The following CENPA variants were observed in gnomAD, a reference collection of about 807,000 sequenced individuals.
CENPA encodes the protein histone H3-like centromeric protein A.
CENPA carries 7 observed loss-of-function variants against 17.2 expected under a neutral mutation model. The observed-to-expected ratio is 0.41, with a 90% CI of 0.23 to 0.76. The LOEUF (loss-of-function observed/expected upper bound fraction) is 0.76. Among genes scored for constraint, CENPA ranks in the 30% least tolerant of loss-of-function variants. The pLI is 0.34. For synonymous variants in CENPA, 82 were observed against 77.4 expected (o/e 1.06, Z -0.31); for missense variants, 149 against 193.1 (o/e 0.77, Z 1.35).
rs1212051573 is a variant in CENPA at position 26,792,174 on chromosome 2, A to G, written c.144A>G (p.Leu48=). Residue 48 remains leucine, a synonymous_variant, in exon 2 of 5, where the codon CTA becomes CTG. Coordinates refer to ENST00000335756, the MANE Select transcript of CENPA (RefSeq NM_001809.4). ...ACAGTCGGCGGAGACAAGGTTGGCTAAAGGAGATCCGAAAGCTTCAGAAGA... is the reference window on the plus strand; with the variant it reads ...ACAGTCGGCGGAGACAAGGTTGGCTGAAGGAGATCCGAAAGCTTCAGAAGA... ...HQHSRRRQGW[L]KEIRKLQKST... is the part of the protein sequence containing the mutation. The G allele has an allele frequency of 5.6e-6, 9 of 1,614,052 alleles. No homozygotes were observed. The highest frequency in any genetic ancestry group is 7.6e-6 in the Non-Finnish European group (9 of 1,179,988).
At chr2:26,788,779 G>A (rs1461594949) in intron 1 of CENPA, among the ~76,000 whole-genome samples, 2 of 152,308 alleles carry the variant, frequency 1.3e-5, no homozygotes, top group African/African-American at 2.4e-5. Context: ...GGGTTCAAGC[G>A]ATTCTCCTGC....
chr2:26,787,456 C>T (rs1664531065), intron 1 of CENPA, among the ~76,000 whole-genome samples: 1 of 151,830 alleles, frequency 6.6e-6, no homozygotes, highest in Non-Finnish European at 1.5e-5. Context: ...ACCTCGTGAT[C>T]CGCCCACCTC....
chr2:26,793,131 C>T lies in CENPA; in HGVS notation c.289-14C>T. ...CCTTCATCTGTGTCCGTCTTTTTCT[C>T]TTTCTGTCTCCAGGCAGCAGAAGCA... On this transcript the variant is annotated splice_polypyrimidine_tract_variant and intron_variant, in intron 3 of 4. Coordinates refer to ENST00000335756, the MANE Select transcript of CENPA (RefSeq NM_001809.4). 6.2e-7 allele frequency: 1 copy of T among 1,613,504 alleles called. No homozygotes were observed. Among genetic ancestry groups the T allele is most frequent in the Non-Finnish European group, 8.5e-7 (1 of 1,179,960 alleles).
At chr2:26,789,449 A>C (rs1664577015) in intron 1 of CENPA, among the ~76,000 whole-genome samples, 2 of 151,678 alleles carry the variant, frequency 1.3e-5, no homozygotes, top group African/African-American at 4.8e-5. Flanking sequence ...CCCCCTCCCT[A>C]GGTGGTCTCA....
rs564257882 is a variant in CENPA at position 26,792,189 on chromosome 2, G to C, written c.159G>C (p.Lys53Asn). Residue 53 changes from lysine (K) to asparagine (N), a missense_variant, in exon 2 of 5, where the codon AAG becomes AAC. Lys to Asn is a moderately conservative substitution (Grantham distance 94). Around this residue, in one of 2 missense-constraint regions of CENPA, gnomAD observed 95 missense variants for 87.5 expected, o/e 1.09. Coordinates refer to ENST00000335756, the MANE Select transcript of CENPA (RefSeq NM_001809.4). The stretch of plus-strand genomic sequence containing the variant: ...AAGGTTGGCTAAAGGAGATCCGAAA[G>C]CTTCAGAAGAGCACACACCTCTTGA... ...RRQGWLKEIR[K>N]LQKSTHLLIR... 6.2e-7 allele frequency: 1 copy of C among 1,614,008 alleles called. No individual in the cohort carries two copies. Among genetic ancestry groups the C allele is most frequent in the Non-Finnish European group, 8.5e-7 (1 of 1,179,968 alleles).
chr2:26,786,169 CG>C lies in CENPA; in HGVS notation c.-25del. On this transcript the variant is annotated 5_prime_UTR_variant, in exon 1 of 5. Transcript: ENST00000335756. Reference sequence around the variant, plus strand: ...GCAGCCCGAGCAGGAGCCGTGGGACCGGGCGCCAGCACCCTCTGCGGCGTGT... The same window carrying C: ...GCAGCCCGAGCAGGAGCCGTGGGACCGGCGCCAGCACCCTCTGCGGCGTGT... 1 of 1,419,528 alleles carries C rather than the reference CG, an allele frequency of 7.0e-7. No homozygotes were observed. Among genetic ancestry groups the C allele is most frequent in the South Asian group, 1.4e-5 (1 of 69,694 alleles). The allele number at this position is 1,419,528 out of a possible 1,614,324, so 87.9% of individuals were successfully genotyped here.
intron 2 of CENPA, 94 bp downstream of exon 2, chr2:26,792,334 G>A (rs1664635574): frequency 1.1e-6 from 1 of 935,052 alleles, no homozygotes; most frequent in South Asian, 1.6e-5. Context: ...TTAACTAACT[G>A]GCCAAGGGAC....
At chr2:26,793,018 C>A in intron 3 of CENPA, 127 bp from the exon 4 acceptor site, 1 of 1,378,370 alleles carries the variant, frequency 7.3e-7, no homozygotes, top group Non-Finnish European at 1.0e-6. Context: ...TGGCAAAGTT[C>A]AGTCTCATTC....
intron 1 of CENPA, among the ~76,000 whole-genome samples, chr2:26,789,459 A>T (rs1664577404): frequency 6.6e-6 from 1 of 151,688 alleles, no homozygotes; most frequent in Non-Finnish European, 1.5e-5. Flanking sequence ...AGGTGGTCTC[A>T]TCTCCTCCGT....
chr2:26,790,674 G>A (rs1184633859), intron 1 of CENPA, among the ~76,000 whole-genome samples: 2 of 152,236 alleles, frequency 1.3e-5, no homozygotes, highest in African/African-American at 4.8e-5. Context: ...TTGCCAACTG[G>A]TGGTGGGGAG....
rs1216299097 is a variant in CENPA at position 26,794,262 on chromosome 2, A to G, written c.*498A>G. 1.3e-5 allele frequency: 2 copies of G among 152,262 alleles called. No individual in the cohort carries two copies. Among genetic ancestry groups the G allele is most frequent in the Non-Finnish European group, 2.9e-5 (2 of 68,048 alleles). 9.4% of individuals were successfully genotyped at this position (152,262 alleles called of 1,614,324 possible). On this transcript the variant is annotated 3_prime_UTR_variant, in exon 5 of 5. Transcript: ENST00000335756. ...AAGGCTGGGCATTTCCATCATATAG[A>G]CCTCTGCCCTTCAGAGTAGCCTCAC...
At chr2:26,791,177 T>G (rs1466675265) in intron 1 of CENPA, among the ~76,000 whole-genome samples, 1 of 152,246 alleles carries the variant, frequency 6.6e-6, no homozygotes, top group African/African-American at 2.4e-5. Context: ...TTAATTTGAC[T>G]GCTTGGCTCA....
At chr2:26,793,087 A>C in intron 3 of CENPA, 58 bp from the exon 4 acceptor site, 2 of 1,601,602 alleles carry the variant, frequency 1.2e-6, no homozygotes, top group East Asian at 2.2e-5. Flanking sequence ...CAGGTTTCCA[A>C]AAAAAAGCAG....
intron 1 of CENPA, among the ~76,000 whole-genome samples, chr2:26,786,740 G>A (rs1411605809): frequency 4.6e-5 from 7 of 152,244 alleles, no homozygotes. Context: ...TTTTTAAATT[G>A]CAAAAGTATT....
intron 1 of CENPA, among the ~76,000 whole-genome samples, chr2:26,789,982 A>G (rs547567088): frequency 1.1e-4 from 16 of 152,166 alleles, no homozygotes; most frequent in Admixed American, 5.9e-4. Context: ...ATTAAATTCC[A>G]TCTCCTCATG....
chr2:26,786,203 C>T lies in CENPA; in HGVS notation c.7C>T (p.Pro3Ser). 1 of 1,443,422 alleles carries T rather than the reference C, an allele frequency of 6.9e-7. No individual in the cohort carries two copies. Among genetic ancestry groups the T allele is most frequent in the Non-Finnish European group, 9.1e-7 (1 of 1,104,668 alleles). The allele number at this position is 1,443,422 out of a possible 1,614,324, so 89.4% of individuals were successfully genotyped here. ...GCACCCTCTGCGGCGTGTCATGGGC[C>T]CGCGCCGCCGGAGCCGAAAGCCCGA... Reference protein sequence around the residue: MGPRRRSRKPEAP... With the variant: MGSRRRSRKPEAP... Residue 3 changes from proline (P) to serine (S), a missense_variant, in exon 1 of 5, where the codon CCG becomes TCG. By Grantham distance (74) the Pro-to-Ser change is moderately conservative. This residue lies in a region of CENPA where 95 missense variants were observed against 87.5 expected (regional missense o/e 1.09). Transcript: ENST00000335756.
chr2:26,792,480 C>G, intron 2 of CENPA: 2 of 712,036 alleles, frequency 2.8e-6, no homozygotes, highest in Non-Finnish European at 5.2e-6. Context: ...TAAATAGGAA[C>G]TCTCTCGTTT....
chr2:26,792,549 G>A (rs1410853328), intron 2 of CENPA: 1 of 716,026 alleles, frequency 1.4e-6, no homozygotes. Flanking sequence ...CCAATTACTG[G>A]TGATTTCCCC....
At chr2:26,786,677 C>A (rs1664513772) in intron 1 of CENPA, among the ~76,000 whole-genome samples, 1 of 152,238 alleles carries the variant, frequency 6.6e-6, no homozygotes, top group South Asian at 2.1e-4. Flanking sequence ...AGCAGAGTCA[C>A]ACAACTTGGT....
Sources: gnomAD v4.1 joint callset for allele counts (sites outside exome capture counted in the v4.1 genomes callset) on GRCh38, gnomAD v4.1.1 for gene constraint, gnomAD v4.1.1 regional missense constraint, MANE v1.5 for transcripts, NCBI Gene and HGNC (gene_info 2026-07-23, HGNC 2026-07-21) for gene names.